The following DHX33 variants were observed in gnomAD, a reference collection of about 807,000 sequenced individuals.
DHX33 encodes DEAH-box helicase 33.
A neutral mutation model predicts 72.5 loss-of-function variants in DHX33; 42 were observed. That is an observed-to-expected ratio of 0.58 (90% confidence interval 0.45 to 0.75). The LOEUF is 0.75. DHX33 is among the 30% of genes least tolerant of loss of function. The pLI is 0.00. For missense variants in DHX33, 842 were observed against 917.5 expected (o/e 0.92, Z 1.06); for synonymous variants, 358 against 366.1 (o/e 0.98, Z 0.25).
chr17:5,450,688 G>T, intron 9 of DHX33, 119 bp downstream of exon 9: 5 of 1,436,832 alleles, frequency 3.5e-6, no homozygotes, highest in Non-Finnish European at 4.8e-6. Context: ...CAAACTAGGG[G>T]TTGGTAATTA....
At chr17:5,448,974 C>G (rs746237625) in intron 10 of DHX33, 79 bp from the exon 11 acceptor site, 32 of 1,144,410 alleles carry the variant, frequency 2.8e-5, no homozygotes, top group African/African-American at 4.6e-5. Context: ...TTGCTCTGTT[C>G]CCTAGGCTGG....
intron 1 of DHX33, among the ~76,000 whole-genome samples, chr17:5,464,977 G>A (rs183555772): frequency 1.3e-5 from 2 of 152,324 alleles, no homozygotes; most frequent in East Asian, 3.9e-4. Context: ...TTCCAGCACT[G>A]ACCATCCTGT....
intron 3 of DHX33, among the ~76,000 whole-genome samples, 191 bp downstream of exon 3, chr17:5,462,128 C>T (rs956545241): frequency 6.6e-6 from 1 of 150,910 alleles, no homozygotes; most frequent in Non-Finnish European, 1.5e-5. Context: ...TTAGTAGAGA[C>T]GGGGTTTCAC....
intron 8 of DHX33, 126 bp from the exon 9 acceptor site, chr17:5,451,060 C>T: frequency 9.5e-7 from 1 of 1,050,372 alleles, no homozygotes; most frequent in Non-Finnish European, 1.4e-6. Flanking sequence ...ACCGCCACTG[C>T]CCCCTTGACA....
intron 1 of DHX33, among the ~76,000 whole-genome samples, chr17:5,468,250 C>T (rs1254929640): frequency 1.3e-5 from 2 of 152,204 alleles, no homozygotes; most frequent in Non-Finnish European, 2.9e-5. Context: ...CCCTCCCACA[C>T]GACCTCCCCA....
At chr17:5,445,677 C>G (rs1916631335) in intron 11 of DHX33, among the ~76,000 whole-genome samples, 1 of 152,188 alleles carries the variant, frequency 6.6e-6, no homozygotes, top group African/African-American at 2.4e-5. Context: ...AACTGGAAAA[C>G]TTGTCAATCT....
At chr17:5,468,369 G>T (rs1047732503) in intron 1 of DHX33, among the ~76,000 whole-genome samples, 3 of 152,176 alleles carry the variant, frequency 2.0e-5, no homozygotes, top group African/African-American at 7.2e-5. Flanking sequence ...ACACACGTTG[G>T]TCACTCTCAC....
In DHX33 at chr17:5,441,246, C is replaced by G. The variant is rs1336546713; in HGVS notation, c.*2959G>C. 2.0e-5 allele frequency: 3 copies of G among 152,276 alleles called. No individual in the cohort carries two copies. The highest frequency in any genetic ancestry group is 4.4e-5 in the Non-Finnish European group (3 of 68,068). 9.4% of individuals were successfully genotyped at this position (152,276 alleles called of 1,614,324 possible). ...CCACAGGGCAGAACTTGCCTCCATT[C>G]AGGCATCTCTTTACAACTGGCAGCA... On this transcript the variant is annotated 3_prime_UTR_variant, in exon 12 of 12. Transcript: ENST00000225296.
At chr17:5,457,731 A>G (rs1474007725) in intron 4 of DHX33, among the ~76,000 whole-genome samples, 2 of 152,088 alleles carry the variant, frequency 1.3e-5, no homozygotes, top group Admixed American at 1.3e-4. Flanking sequence ...TCAGCCCAGT[A>G]TTAACAGAAC....
At chr17:5,465,433 G>A (rs540272907) in intron 1 of DHX33, among the ~76,000 whole-genome samples, 17 of 152,302 alleles carry the variant, frequency 1.1e-4, no homozygotes, top group African/African-American at 2.9e-4. Flanking sequence ...GCAACAGAGC[G>A]TTGCTAAAGT....
Position 5,441,088 on chromosome 17 carries a change from T to A in DHX33, c.*3117A>T, listed in dbSNP as rs1291527659. 8 of 151,894 alleles carry A rather than the reference T, an allele frequency of 5.3e-5. No individual in the cohort carries two copies. The highest frequency in any genetic ancestry group is 1.9e-4 in the African/African-American group (8 of 41,340). 9.4% of individuals were successfully genotyped at this position (151,894 alleles called of 1,614,324 possible). A position where few individuals can be genotyped will look rare whatever the true frequency, so the allele number is the denominator to read the frequency against. On this transcript the variant is annotated 3_prime_UTR_variant, in exon 12 of 12. Coordinates refer to ENST00000225296, the MANE Select transcript of DHX33 (RefSeq NM_020162.4). ...CCTCTAGTTACCAAGGAATATCGTA[T>A]CTCAGATGCATGGCCTACTATCACA...
At chr17:5,451,896 ATATAC>A (rs1477817470) in intron 8 of DHX33, among the ~76,000 whole-genome samples, 1 of 152,236 alleles carries the variant, frequency 6.6e-6, no homozygotes, top group Non-Finnish European at 1.5e-5. Context: ...ATCAGCACAA[ATATAC>A]TATACGGAAC....
intron 4 of DHX33, 27 bp from the exon 5 acceptor site, chr17:5,456,209 T>C: frequency 4.4e-6 from 7 of 1,606,894 alleles, no homozygotes; most frequent in Non-Finnish European, 5.1e-6. Flanking sequence ...GTGGGTTTAC[T>C]AGGCATTGAT....
chr17:5,447,716 T>C (rs931456697), intron 11 of DHX33, among the ~76,000 whole-genome samples: 1 of 152,240 alleles, frequency 6.6e-6, no homozygotes, highest in African/African-American at 2.4e-5. Context: ...ATTCATTCTG[T>C]GTGCACCACA....
chr17:5,449,960 T>G (rs1916818934), intron 10 of DHX33, among the ~76,000 whole-genome samples: 2 of 152,104 alleles, frequency 1.3e-5, no homozygotes, highest in Non-Finnish European at 2.9e-5. Context: ...TCCAATTAAG[T>G]TTTGATGGGT....
chr17:5,462,990 G>A (rs932496980), intron 2 of DHX33, among the ~76,000 whole-genome samples: 3 of 152,000 alleles, frequency 2.0e-5, no homozygotes, highest in Non-Finnish European at 2.9e-5. Context: ...GCTGAGGCAG[G>A]AGAATTGCTT....
Position 5,441,835 on chromosome 17 carries a change from C to G in DHX33, c.*2370G>C, listed in dbSNP as rs1451571909. ...CTCTCAGAAAAAAAATATACATTTC[C>G]GGAAACTGTTCAGGTACTTAAGCTG... On this transcript the variant is annotated 3_prime_UTR_variant, in exon 12 of 12. Transcript: ENST00000225296. 2 of 152,158 alleles carry G rather than the reference C, an allele frequency of 1.3e-5. No individual in the cohort carries two copies. The highest frequency in any genetic ancestry group is 4.8e-5 in the African/African-American group (2 of 41,436). 9.4% of individuals were successfully genotyped at this position (152,158 alleles called of 1,614,324 possible). A position where few individuals can be genotyped will look rare whatever the true frequency, so the allele number is the denominator to read the frequency against.
At chr17:5,466,817 C>T (rs1904890911) in intron 1 of DHX33, among the ~76,000 whole-genome samples, 1 of 152,144 alleles carries the variant, frequency 6.6e-6, no homozygotes, top group Non-Finnish European at 1.5e-5. Flanking sequence ...ATTAAAATCC[C>T]GAACTTACCA....
At position 5,455,227 on chromosome 17, in the gene DHX33, G is replaced by A. The variant is rs1434362311; in HGVS notation, c.1080C>T (p.Ser360=). 3 of 1,614,070 alleles carry A rather than the reference G, an allele frequency of 1.9e-6. No individual in the cohort carries two copies. The highest frequency in any genetic ancestry group is 2.5e-6 in the Non-Finnish European group (3 of 1,180,054). Residue 360 remains serine (S), a synonymous_variant, in exon 6 of 12, where the codon TCC becomes TCT. Coordinates refer to ENST00000225296, the MANE Select transcript of DHX33 (RefSeq NM_020162.4). ...VIISTNIAET[S]ITITGIKYVV... is the part of the protein sequence containing the mutation. ...CATATTTTATTCCTGTAATGGTTAT[G>A]GAGGTTTCAGCGATGTTGGTTGAAA...
Sources: gnomAD v4.1 joint callset for allele counts (sites outside exome capture counted in the v4.1 genomes callset) on GRCh38, gnomAD v4.1.1 for gene constraint, MANE v1.5 for transcripts, NCBI Gene and HGNC (gene_info 2026-07-23, HGNC 2026-07-21) for gene names.